Variants in VPS37A observed in about 807,000 individuals in gnomAD.
VPS37A encodes vacuolar protein sorting-associated protein 37A.
Under a neutral mutation model 49.8 loss-of-function variants are expected in VPS37A, and 30 were observed. The observed-to-expected ratio is 0.60, with a 90% CI of 0.45 to 0.82. The LOEUF is 0.82. Ranked by LOEUF, VPS37A falls within the 40% of genes least tolerant of loss-of-function variation. The pLI is 0.00. For missense variants in VPS37A, 593 were observed against 464.4 expected, an observed-to-expected ratio of 1.28 and a Z score of -2.55; for synonymous variants, 195 against 160.6, an observed-to-expected ratio of 1.21 and a Z score of -1.62.
At chr8:17,299,977 T>C, downstream of VPS37A, 2 of 1,614,152 alleles carry the variant, frequency 1.2e-6, no homozygotes, top group Non-Finnish European at 1.7e-6. Context: ...CCCGGACTCT[T>C]GGTCACTGTT....
intron 1 of VPS37A, chr8:17,248,396 C>G (rs1353429228): frequency 2.2e-6 from 1 of 455,510 alleles, no homozygotes; most frequent in Non-Finnish European, 4.4e-6. Context: ...CCCCACACCC[C>G]TCCGAGTAGC....
At chr8:17,268,159 A>G (rs1813641536) in intron 2 of VPS37A, 99 bp from the exon 3 acceptor site, 1 of 813,432 alleles carries the variant, frequency 1.2e-6, no homozygotes, top group Non-Finnish European at 1.9e-6. Flanking sequence ...AAGTGTGAAA[A>G]TTTAATTTAC....
chr8:17,298,761 C>A (rs1816905547), downstream of VPS37A: 1 of 152,524 alleles, frequency 6.6e-6, no homozygotes, highest in African/African-American at 2.4e-5. Flanking sequence ...CTAGTGAAGT[C>A]TTTTTTAACT....
the VPS37A span, among the ~76,000 whole-genome samples, chr8:17,316,998 A>G: frequency 7.9e-5 from 12 of 152,314 alleles, no homozygotes; most frequent in South Asian, 6.2e-4. Context: ...CCATATCCCA[A>G]CTAATACTTG....
At chr8:17,326,590 A>G in the VPS37A span, 8 of 151,916 alleles carry the variant, frequency 5.3e-5, no homozygotes, top group Non-Finnish European at 5.9e-5. Context: ...TTAAAAGACA[A>G]TTTAAAAGTG....
At chr8:17,273,428 G>A (rs922833638) in intron 4 of VPS37A, among the ~76,000 whole-genome samples, 5 of 152,190 alleles carry the variant, frequency 3.3e-5, no homozygotes, top group East Asian at 3.9e-4. Flanking sequence ...GTGCAGTGGC[G>A]CAATCTCGGC....
intron 4 of VPS37A, among the ~76,000 whole-genome samples, chr8:17,273,731 C>T (rs1311210849): frequency 6.6e-6 from 1 of 151,878 alleles, no homozygotes; most frequent in Non-Finnish European, 1.5e-5. Context: ...TTTCTTTCTA[C>T]TGTGGCTTAT....
intron 2 of VPS37A, among the ~76,000 whole-genome samples, chr8:17,267,972 T>A (rs1813624972): frequency 6.6e-6 from 1 of 152,238 alleles, no homozygotes; most frequent in African/African-American, 2.4e-5. Context: ...TAGCTTGGTA[T>A]ATTGTGTTTG....
At chr8:17,265,392 T>G (rs1212248011) in intron 1 of VPS37A, among the ~76,000 whole-genome samples, 1 of 152,166 alleles carries the variant, frequency 6.6e-6, no homozygotes, top group East Asian at 1.9e-4. Context: ...CAGAATAAAA[T>G]CAGGCTTCTC....
At chr8:17,252,173 T>C (rs1206755920) in intron 1 of VPS37A, among the ~76,000 whole-genome samples, 1 of 152,190 alleles carries the variant, frequency 6.6e-6, no homozygotes, top group Non-Finnish European at 1.5e-5. Context: ...AGGTTTCCTT[T>C]TTATTTATTT....
the VPS37A span, among the ~76,000 whole-genome samples, chr8:17,330,391 C>T: frequency 6.6e-6 from 1 of 152,210 alleles, no homozygotes; most frequent in East Asian, 1.9e-4. Flanking sequence ...GTTTCTGCAT[C>T]CTCTGTCTTT....
intron 9 of VPS37A, among the ~76,000 whole-genome samples, chr8:17,282,103 G>GA (rs1586041130): frequency 6.6e-6 from 1 of 151,226 alleles, no homozygotes; most frequent in Admixed American, 6.6e-5. Context: ...TGAACAAAAA[G>GA]AAAAAATGAA....
chr8:17,318,430 C>G, the VPS37A span, among the ~76,000 whole-genome samples: 24 of 152,180 alleles, frequency 1.6e-4, no homozygotes, highest in South Asian at 5.0e-3. Flanking sequence ...AGGATGAGCA[C>G]CCCAAGACCC....
At chr8:17,264,416 C>T (rs1484817113) in intron 1 of VPS37A, among the ~76,000 whole-genome samples, 1 of 152,100 alleles carries the variant, frequency 6.6e-6, no homozygotes, top group Non-Finnish European at 1.5e-5. Context: ...AACCTAATTC[C>T]CAAAGAAAAA....
At chr8:17,316,464 T>TA in the VPS37A span, among the ~76,000 whole-genome samples, 6,691 of 143,412 alleles carry the variant, frequency 0.047, 189 homozygotes, top group African/African-American at 0.083. Context: ...AACAGTACAG[T>TA]AAAAAAAAAA....
the VPS37A span, among the ~76,000 whole-genome samples, chr8:17,326,041 T>C: frequency 6.6e-6 from 1 of 152,218 alleles, no homozygotes; most frequent in Non-Finnish European, 1.5e-5. Flanking sequence ...CTTACATTGC[T>C]TTACAAATAC....
In VPS37A at chr8:17,254,973, A is replaced by G. The variant is rs767337264; in HGVS notation, c.125+7604A>G. On this transcript the variant is annotated intron_variant, in intron 1 of 11. Coordinates refer to ENST00000324849, the MANE Select transcript of VPS37A (RefSeq NM_152415.3). Reference sequence around the variant, plus strand: ...CTATAAACGTTACTTGAGTTACCCAACACTGAGGAAAATGCATGACATCAT... The same window carrying G: ...CTATAAACGTTACTTGAGTTACCCAGCACTGAGGAAAATGCATGACATCAT... Among the ~76,000 whole-genome samples the G allele has an allele frequency of 1.2e-3, 183 of 152,166 alleles. 1 individual carries two copies. Among genetic ancestry groups the G allele is most frequent in the Non-Finnish European group, 2.4e-3 (162 of 68,038 alleles).
chr8:17,309,385 A>C, the VPS37A span: 2 of 1,154,420 alleles, frequency 1.7e-6, no homozygotes, highest in Non-Finnish European at 2.6e-6. Flanking sequence ...AAGAGACCAC[A>C]CAACCAATAA....
the VPS37A span, among the ~76,000 whole-genome samples, chr8:17,307,551 A>G: frequency 2.6e-5 from 4 of 152,188 alleles, no homozygotes; most frequent in Non-Finnish European, 4.4e-5. Flanking sequence ...TACCCAAAGG[A>G]TTATAAATCA....
Sources: allele counts gnomAD v4.1 joint callset (sites outside exome capture counted in the v4.1 genomes callset), GRCh38; gene constraint gnomAD v4.1.1; transcripts MANE v1.5; gene names NCBI Gene and HGNC (gene_info 2026-07-23, HGNC 2026-07-21).